CCSER1: variants seen among roughly 807,000 people sequenced by gnomAD.
CCSER1 encodes the protein serine-rich coiled-coil domain-containing protein 1.
In CCSER1, 41 loss-of-function variants were observed where a neutral mutation model predicts 82.0. The ratio of observed to expected loss-of-function variants is 0.50; its 90% CI spans 0.39 to 0.65. The LOEUF is 0.65. Ranked by LOEUF, CCSER1 falls within the 30% of genes least tolerant of loss-of-function variation. The pLI is 0.00. For missense variants in CCSER1, 1,119 were observed against 1,064.2 expected (o/e 1.05, Z -0.72); for synonymous variants, 414 against 383.9 (o/e 1.08, Z -0.92).
chr4:90,305,242 T>A (rs1337458808), intron 1 of CCSER1, among the ~76,000 whole-genome samples: 4 of 152,142 alleles, frequency 2.6e-5, no homozygotes, highest in African/African-American at 9.7e-5. Context: ...CTGATCCAAA[T>A]GCAGGAAATA....
chr4:90,172,221 G>C (rs1330971137), intron 1 of CCSER1, among the ~76,000 whole-genome samples: 2 of 151,878 alleles, frequency 1.3e-5, no homozygotes, highest in Non-Finnish European at 2.9e-5. Context: ...GAAAAACTCA[G>C]AGATTGTTAA....
At chr4:90,221,378 T>C (rs1419921383) in intron 1 of CCSER1, among the ~76,000 whole-genome samples, 1 of 152,160 alleles carries the variant, frequency 6.6e-6, no homozygotes, top group Non-Finnish European at 1.5e-5. Flanking sequence ...CTTGCTATAA[T>C]TATGTGGTAC....
chr4:90,605,750 AT>A (rs537337180), intron 5 of CCSER1, among the ~76,000 whole-genome samples: 10 of 151,780 alleles, frequency 6.6e-5, no homozygotes, highest in East Asian at 5.8e-4. Context: ...ATTTTTTATA[AT>A]TTTTTTTGAC....
At chr4:90,184,545 A>G (rs1475903323) in intron 1 of CCSER1, among the ~76,000 whole-genome samples, 1 of 152,160 alleles carries the variant, frequency 6.6e-6, no homozygotes, top group Non-Finnish European at 1.5e-5. Flanking sequence ...CTGAACATGT[A>G]GCAGTATTTT....
chr4:91,221,847 A>G (rs547222480), intron 10 of CCSER1, among the ~76,000 whole-genome samples: 5 of 152,148 alleles, frequency 3.3e-5, no homozygotes, highest in Non-Finnish European at 1.5e-5. Flanking sequence ...GGTTATGCTC[A>G]GAAAAATGGG....
chr4:91,457,895 T>A (rs1021388634), intron 10 of CCSER1, among the ~76,000 whole-genome samples: 9 of 152,296 alleles, frequency 5.9e-5, no homozygotes. Flanking sequence ...AAATTTGATA[T>A]GAAATTATAT....
intron 10 of CCSER1, among the ~76,000 whole-genome samples, chr4:91,244,575 A>G (rs1414725614): frequency 6.6e-6 from 1 of 152,228 alleles, no homozygotes; most frequent in Non-Finnish European, 1.5e-5. Context: ...ATCCATGTCC[A>G]CCAAGGTGGT....
At chr4:90,878,895 G>A (rs2150062626) in intron 8 of CCSER1, among the ~76,000 whole-genome samples, 1 of 152,222 alleles carries the variant, frequency 6.6e-6, no homozygotes, top group Admixed American at 6.5e-5. Context: ...AATAGCTCTG[G>A]TCATATAGTA....
At chr4:91,219,689 C>CTACA (rs1362809462) in intron 10 of CCSER1, among the ~76,000 whole-genome samples, 1 of 152,132 alleles carries the variant, frequency 6.6e-6, no homozygotes, top group African/African-American at 2.4e-5. Flanking sequence ...TTTCTCTGAG[C>CTACA]TACATTCACT....
At chr4:91,491,948 GTTTT>G (rs10717215) in intron 10 of CCSER1, among the ~76,000 whole-genome samples, 1 of 124,592 alleles carries the variant, frequency 8.0e-6, no homozygotes, top group Non-Finnish European at 1.7e-5. Flanking sequence ...ATTGCTAATA[GTTTT>G]TTTTTTTTTT....
At chr4:90,857,487 G>A (rs935585830) in intron 8 of CCSER1, among the ~76,000 whole-genome samples, 4 of 152,054 alleles carry the variant, frequency 2.6e-5, no homozygotes, top group East Asian at 3.9e-4. Context: ...CCTCAGAAAT[G>A]TTATCCCATC....
chr4:90,501,301 C>T (rs891805977), intron 5 of CCSER1, among the ~76,000 whole-genome samples: 6 of 152,018 alleles, frequency 3.9e-5, no homozygotes, highest in African/African-American at 7.2e-5. Context: ...CTTAAATTTC[C>T]GGTCTTTAAA....
intron 10 of CCSER1, among the ~76,000 whole-genome samples, chr4:91,556,810 T>C (rs1202093249): frequency 6.6e-6 from 1 of 151,158 alleles, no homozygotes; most frequent in Non-Finnish European, 1.5e-5. Flanking sequence ...TATTAAAAGA[T>C]ATTTTAAGAA....
chr4:91,546,583 T>C (rs1761902252), intron 10 of CCSER1, among the ~76,000 whole-genome samples: 1 of 152,094 alleles, frequency 6.6e-6, no homozygotes, highest in Non-Finnish European at 1.5e-5. Flanking sequence ...TCTGTAATTA[T>C]GCCACCTCTT....
intron 10 of CCSER1, among the ~76,000 whole-genome samples, chr4:91,522,291 A>G (rs1760518969): frequency 6.6e-6 from 1 of 152,268 alleles, no homozygotes; most frequent in South Asian, 2.1e-4. Flanking sequence ...GCCTTGTAGT[A>G]TAGTTTGAAG....
At chr4:90,412,011 A>T (rs1277866604) in intron 4 of CCSER1, among the ~76,000 whole-genome samples, 1 of 152,026 alleles carries the variant, frequency 6.6e-6, no homozygotes, top group Non-Finnish European at 1.5e-5. Context: ...AGACACATGC[A>T]CACGTATGTT....
chr4:90,567,399 T>TC (rs1370127877), intron 5 of CCSER1, among the ~76,000 whole-genome samples: 1 of 151,720 alleles, frequency 6.6e-6, no homozygotes, highest in African/African-American at 2.4e-5. Flanking sequence ...CAAGCGATTC[T>TC]CCTGCCTCAG....
chr4:90,497,360 C>T (rs1279279980), intron 5 of CCSER1, among the ~76,000 whole-genome samples: 1 of 152,044 alleles, frequency 6.6e-6, no homozygotes, highest in East Asian at 1.9e-4. Context: ...TTAGATAATT[C>T]CTATATTATG....
intron 4 of CCSER1, among the ~76,000 whole-genome samples, chr4:90,402,565 T>G (rs867133415): frequency 6.6e-6 from 1 of 152,182 alleles, no homozygotes; most frequent in African/African-American, 2.4e-5. Context: ...GGGTGAAAAG[T>G]TCATGAATTA....
Sources: allele counts gnomAD v4.1 joint callset (sites outside exome capture counted in the v4.1 genomes callset), GRCh38; gene constraint gnomAD v4.1.1; transcripts MANE v1.5; gene names NCBI Gene and HGNC (gene_info 2026-07-23, HGNC 2026-07-21).